Variants in PCDHA4 observed in about 807,000 individuals in gnomAD.
The protein encoded by PCDHA4 is protocadherin alpha 4.
In PCDHA4, 49 loss-of-function variants were observed where a neutral mutation model predicts 61.4. The observed-to-expected ratio is 0.80, with a 90% CI of 0.63 to 1.01. The LOEUF (loss-of-function observed/expected upper bound fraction) is 1.01. Among genes scored for constraint, PCDHA4 ranks in the 50% least tolerant of loss-of-function variants. The pLI, the probability that PCDHA4 is intolerant of heterozygous loss-of-function variation, is 0.00. For synonymous variants in PCDHA4, 590 were observed against 550.3 expected, an observed-to-expected ratio of 1.07 and a Z score of -1.01; for missense variants, 1,254 against 1,235.8, an observed-to-expected ratio of 1.01 and a Z score of -0.22.
chr5:140,857,086 A>G, intron 1 of PCDHA4: 1 of 1,596,918 alleles, frequency 6.3e-7, no homozygotes, highest in South Asian at 1.1e-5. Context: ...ATGATAATTC[A>G]CCTGAGGTGA....
intron 1 of PCDHA4, chr5:140,930,393 CTT>C (rs879960332): frequency 4.1e-5 from 6 of 145,282 alleles, no homozygotes; most frequent in Admixed American, 6.9e-5. Flanking sequence ...TTCAAAACTT[CTT>C]TTTTTTTTTT....
chr5:140,927,042 G>T (rs548394870), intron 1 of PCDHA4: 7 of 1,612,270 alleles, frequency 4.3e-6, no homozygotes, highest in Non-Finnish European at 4.2e-6. Context: ...CGGCCGCTAT[G>T]TCCTCGCGGA....
At chr5:140,963,871 T>A (rs2095795562) in intron 1 of PCDHA4, among the ~76,000 whole-genome samples, 1 of 152,238 alleles carries the variant, frequency 6.6e-6, no homozygotes, top group Non-Finnish European at 1.5e-5. Context: ...GAGTTTTGCT[T>A]ACTATTGTTT....
intron 1 of PCDHA4, chr5:140,876,256 A>T: frequency 1.9e-6 from 3 of 1,614,042 alleles, no homozygotes; most frequent in Non-Finnish European, 2.5e-6. Context: ...CACAAGAGTG[A>T]TCCAACTAAA....
intron 1 of PCDHA4, chr5:140,829,046 C>T (rs2150162112): frequency 6.2e-7 from 1 of 1,612,900 alleles, no homozygotes; most frequent in Non-Finnish European, 8.5e-7. Context: ...ATACAAAATC[C>T]TCATTGACGC....
intron 3 of PCDHA4, among the ~76,000 whole-genome samples, chr5:140,992,954 C>G (rs1174073844): frequency 6.6e-6 from 1 of 152,190 alleles, no homozygotes; most frequent in Non-Finnish European, 1.5e-5. Context: ...TTAAATCACC[C>G]CTTATACTGC....
At chr5:140,956,181 T>C (rs1351584707) in intron 1 of PCDHA4, among the ~76,000 whole-genome samples, 1 of 152,212 alleles carries the variant, frequency 6.6e-6, no homozygotes, top group South Asian at 2.1e-4. Flanking sequence ...CTTCCAATAC[T>C]ATGCTGAATA....
intron 1 of PCDHA4, chr5:140,966,615 G>C (rs1423136904): frequency 3.9e-6 from 3 of 773,600 alleles, no homozygotes; most frequent in Non-Finnish European, 5.6e-6. Flanking sequence ...GAGGGCCTAC[G>C]GAGGGAGCGG....
At chr5:140,870,273 C>T in intron 1 of PCDHA4, 10 of 1,614,192 alleles carry the variant, frequency 6.2e-6, no homozygotes, top group Non-Finnish European at 8.5e-6. Flanking sequence ...CGCTGACGCC[C>T]CACGTTCCCT....
Position 140,842,122 on chromosome 5 carries a change from T to A in PCDHA4, c.2385+32550T>A, listed in dbSNP as rs2150329697. On this transcript the variant is annotated intron_variant, in intron 1 of 3. Transcript: ENST00000530339. Reference sequence around the variant, plus strand: ...CAACAGTTATCAAACTGAATGCTTCTGATCCGGATGAAGGAGCCAATGGGG... The same window carrying A: ...CAACAGTTATCAAACTGAATGCTTCAGATCCGGATGAAGGAGCCAATGGGG... 9 of 1,613,784 alleles carry A rather than the reference T, an allele frequency of 5.6e-6. No individual in the cohort carries two copies. In the South Asian group the frequency reaches 8.8e-5, roughly 16 times the overall value.
intron 1 of PCDHA4, among the ~76,000 whole-genome samples, chr5:140,911,305 T>C (rs1036239500): frequency 1.3e-5 from 2 of 152,186 alleles, no homozygotes; most frequent in Non-Finnish European, 2.9e-5. Context: ...CATATCCCCA[T>C]TCCAAGTTTC....
At chr5:140,931,405 G>C (rs1395168165) in intron 1 of PCDHA4, among the ~76,000 whole-genome samples, 1 of 151,984 alleles carries the variant, frequency 6.6e-6, no homozygotes, top group South Asian at 2.1e-4. Flanking sequence ...CGATAGGAAG[G>C]CTGATGAATC....
rs782723934 is a variant in PCDHA4, at chr5:140,857,452, G to A, written c.2385+47880G>A. The A allele has an allele frequency of 4.4e-6, 7 of 1,598,446 alleles. 1 individual carries two copies. The highest frequency in any genetic ancestry group is 4.3e-6 in the Non-Finnish European group (5 of 1,167,904). ...CGGTGTTCGTGAAGGAGAACAACCC[G>A]CCAGGCTGCCACATCTTCACGGTGT... On this transcript the variant is annotated intron_variant, in intron 1 of 3. Coordinates refer to ENST00000530339, the MANE Select transcript of PCDHA4 (RefSeq NM_018907.4).
intron 1 of PCDHA4, among the ~76,000 whole-genome samples, chr5:140,899,099 A>G (rs1379248424): frequency 6.6e-6 from 1 of 152,162 alleles, no homozygotes; most frequent in African/African-American, 2.4e-5. Context: ...GGCTGAGATA[A>G]TGGGGTTTTC....
At chr5:140,822,274 T>A (rs201640591) in intron 1 of PCDHA4, 1 of 1,614,216 alleles carries the variant, frequency 6.2e-7, no homozygotes, top group Non-Finnish European at 8.5e-7. Context: ...AAATGCACAA[T>A]TGAGATACAG....
chr5:140,971,488 A>C (rs17119328), intron 1 of PCDHA4, among the ~76,000 whole-genome samples: 9,487 of 152,206 alleles, frequency 0.062, 310 homozygotes, highest in African/African-American at 0.074. Flanking sequence ...ACATTGTTAC[A>C]GTGTGGCAAG....
At chr5:140,965,903 A>T (rs73793545) in intron 1 of PCDHA4, among the ~76,000 whole-genome samples, 2,475 of 152,308 alleles carry the variant, frequency 0.016, 63 homozygotes, top group African/African-American at 0.056. Context: ...CTTGGATCCC[A>T]GGATGCTGGT....
intron 1 of PCDHA4, among the ~76,000 whole-genome samples, chr5:140,919,122 T>G (rs879989359): frequency 6.6e-6 from 1 of 152,224 alleles, no homozygotes; most frequent in African/African-American, 2.4e-5. Context: ...AGTTTTTGCT[T>G]CATGTGTTTT....
At chr5:140,877,970 T>A in intron 1 of PCDHA4, 1 of 1,279,190 alleles carries the variant, frequency 7.8e-7, no homozygotes. Flanking sequence ...TTCTTGGTCA[T>A]TCTTACTCAT....
Sources: gnomAD v4.1 joint callset for allele counts (sites outside exome capture counted in the v4.1 genomes callset) on GRCh38, gnomAD v4.1.1 for gene constraint, MANE v1.5 for transcripts, NCBI Gene and HGNC (gene_info 2026-07-23, HGNC 2026-07-21) for gene names.